Variants in SGCG observed in about 807,000 individuals in gnomAD.
The protein encoded by SGCG is sarcoglycan gamma.
Under a neutral mutation model 29.3 loss-of-function variants are expected in SGCG, and 26 were observed. The observed-to-expected ratio is 0.89, with a 90% CI of 0.65 to 1.23. The LOEUF (loss-of-function observed/expected upper bound fraction) is 1.23. SGCG is among the 50% of genes most tolerant of loss of function. The pLI, the probability that SGCG is intolerant of heterozygous loss-of-function variation, is 0.00. For missense variants in SGCG, 353 were observed against 356.0 expected, an observed-to-expected ratio of 0.99 and a Z score of 0.07; for synonymous variants, 145 against 129.7, an observed-to-expected ratio of 1.12 and a Z score of -0.80.
chr13:23,277,899 C>T (rs1196050148), intron 4 of SGCG, among the ~76,000 whole-genome samples: 5 of 151,964 alleles, frequency 3.3e-5, no homozygotes, highest in East Asian at 3.9e-4. Context: ...TGGGTTTCAC[C>T]GTGTTAGCCA....
At chr13:23,299,410 A>T (rs9510684) in intron 6 of SGCG, among the ~76,000 whole-genome samples, 14,933 of 36,980 alleles carry the variant, frequency 0.4, 2,431 homozygotes, top group East Asian at 0.72. Context: ...TAGTTGGCAT[A>T]TATATATATA....
At chr13:23,237,980 G>T (rs1879375072) in intron 3 of SGCG, among the ~76,000 whole-genome samples, 1 of 151,882 alleles carries the variant, frequency 6.6e-6, no homozygotes, top group African/African-American at 2.4e-5. Flanking sequence ...AAATTACAGG[G>T]CAGAAATAAC....
At chr13:23,229,134 T>C (rs1214421573) in intron 2 of SGCG, among the ~76,000 whole-genome samples, 3 of 152,196 alleles carry the variant, frequency 2.0e-5, no homozygotes, top group Non-Finnish European at 4.4e-5. Context: ...CCTCCCAAAG[T>C]GCTGGGATTA....
intron 5 of SGCG, among the ~76,000 whole-genome samples, chr13:23,282,712 TC>T (rs869040920): frequency 1.7e-5 from 2 of 120,618 alleles, no homozygotes; most frequent in East Asian, 2.2e-4. Flanking sequence ...CTTTATCCAG[TC>T]TGTTACTGAT....
chr13:23,300,555 A>C (rs1017209365), intron 6 of SGCG, among the ~76,000 whole-genome samples: 2 of 152,098 alleles, frequency 1.3e-5, no homozygotes, highest in Non-Finnish European at 2.9e-5. Context: ...TTGCTATTTT[A>C]GGCCATGGGT....
intron 6 of SGCG, among the ~76,000 whole-genome samples, chr13:23,302,235 C>T (rs914356553): frequency 6.6e-6 from 1 of 151,518 alleles, no homozygotes; most frequent in South Asian, 2.1e-4. Flanking sequence ...ATTGATCACT[C>T]TATCCTATTT....
intron 2 of SGCG, among the ~76,000 whole-genome samples, chr13:23,228,628 C>A (rs1317754419): frequency 6.6e-6 from 1 of 152,070 alleles, no homozygotes; most frequent in Non-Finnish European, 1.5e-5. Context: ...CCACCCTCCA[C>A]CCTCAATTAG....
At chr13:23,236,571 G>T (rs1428752943) in intron 3 of SGCG, among the ~76,000 whole-genome samples, 2 of 152,006 alleles carry the variant, frequency 1.3e-5, no homozygotes, top group African/African-American at 2.4e-5. Context: ...CCAGCTACTT[G>T]GGAGGCTGAG....
chr13:23,218,162 A>T (rs975420801), intron 2 of SGCG, among the ~76,000 whole-genome samples: 1 of 152,234 alleles, frequency 6.6e-6, no homozygotes, highest in Admixed American at 6.5e-5. Flanking sequence ...CCAGAGAATT[A>T]AAGGAAAACT....
intron 4 of SGCG, among the ~76,000 whole-genome samples, chr13:23,263,593 TATTACCCTG>T (rs1412829849): frequency 2.0e-5 from 3 of 151,838 alleles, no homozygotes; most frequent in African/African-American, 7.2e-5. Context: ...ACGAACCCAG[TATTACCCTG>T]ATATCAAAGC....
intron 4 of SGCG, among the ~76,000 whole-genome samples, chr13:23,253,958 G>A (rs1471459095): frequency 2.0e-5 from 3 of 152,180 alleles, no homozygotes; most frequent in Non-Finnish European, 4.4e-5. Flanking sequence ...AGAAGCATAC[G>A]CTGAAGCCAT....
chr13:23,167,335 C>T, the SGCG span, among the ~76,000 whole-genome samples: 3 of 152,180 alleles, frequency 2.0e-5, no homozygotes, highest in Admixed American at 6.5e-5. Flanking sequence ...GCTTCCAAAT[C>T]GTGGCTATTG....
intron 4 of SGCG, among the ~76,000 whole-genome samples, chr13:23,260,270 G>T (rs1217864968): frequency 2.6e-5 from 4 of 152,136 alleles, no homozygotes; most frequent in African/African-American, 9.7e-5. Flanking sequence ...AGCTCTTCTT[G>T]TTGAATTTAT....
At chr13:23,178,363 C>A (rs1876625374), upstream of SGCG, among the ~76,000 whole-genome samples, 1 of 152,150 alleles carries the variant, frequency 6.6e-6, no homozygotes, top group Non-Finnish European at 1.5e-5. Flanking sequence ...AGTCTGTCTT[C>A]TGTGACATTC....
At chr13:23,228,790 G>A (rs1428786928) in intron 2 of SGCG, among the ~76,000 whole-genome samples, 1 of 152,162 alleles carries the variant, frequency 6.6e-6, no homozygotes, top group Non-Finnish European at 1.5e-5. Flanking sequence ...TTCCTGCAAA[G>A]GACATGATCT....
chr13:23,272,203 G>A (rs1169429202), intron 4 of SGCG, among the ~76,000 whole-genome samples: 2 of 152,130 alleles, frequency 1.3e-5, no homozygotes, highest in Admixed American at 6.5e-5. Flanking sequence ...AGTAGCAGTG[G>A]ACAAAGTGGA....
intron 1 of SGCG, among the ~76,000 whole-genome samples, chr13:23,186,376 A>G (rs191770577): frequency 4.6e-5 from 7 of 152,316 alleles, no homozygotes. Flanking sequence ...CACCAGTGGT[A>G]TCCAGCCTGA....
At chr13:23,210,478 T>C (rs1420753208) in intron 2 of SGCG, among the ~76,000 whole-genome samples, 3 of 152,090 alleles carry the variant, frequency 2.0e-5, no homozygotes, top group Non-Finnish European at 4.4e-5. Context: ...AATCACAAGG[T>C]CAGGAGATCA....
chr13:23,276,418 C>A lies in SGCG; in HGVS notation c.386-2941C>A, dbSNP rs1169450328. Among the ~76,000 whole-genome samples, 9 of 109,946 alleles carry A rather than the reference C, an allele frequency of 8.2e-5. No individual in the cohort carries two copies. In the East Asian group the frequency reaches 1.7e-3, roughly 21 times the overall value. The allele number at this position is 109,946 out of a possible 152,430, so 72.1% of individuals were successfully genotyped here. On this transcript the variant is annotated intron_variant, in intron 4 of 7. Transcript: ENST00000218867. ...TTCATCAGGGAAGCATGAACGCTTTCTTTTTTAGTTTTCTTTTTTTTTTTT... is the reference window on the plus strand; with the variant it reads ...TTCATCAGGGAAGCATGAACGCTTTATTTTTTAGTTTTCTTTTTTTTTTTT...
Sources: allele counts gnomAD v4.1 joint callset (sites outside exome capture counted in the v4.1 genomes callset), GRCh38; gene constraint gnomAD v4.1.1; transcripts MANE v1.5; gene names NCBI Gene and HGNC (gene_info 2026-07-23, HGNC 2026-07-21).